Variants in PDGFC observed in about 807,000 individuals in gnomAD.
The protein encoded by PDGFC is platelet derived growth factor C.
In PDGFC, 12 loss-of-function variants were observed where a neutral mutation model predicts 35.5. That is an observed-to-expected ratio of 0.34 (90% confidence interval 0.22 to 0.55). The LOEUF (loss-of-function observed/expected upper bound fraction) is 0.55. Ranked by LOEUF, PDGFC falls within the 20% of genes least tolerant of loss-of-function variation. The probability of loss-of-function intolerance (pLI) is 0.91; values close to 1 mark genes in which losing one functional copy is unlikely to be tolerated. For missense variants in PDGFC, 322 were observed against 412.4 expected (o/e 0.78, Z 1.90); for synonymous variants, 159 against 148.8 (o/e 1.07, Z -0.50).
In PDGFC at chr4:156,971,652, T is replaced by G. The variant is rs1352032467; in HGVS notation, c.-749A>C. On this transcript the variant is annotated 5_prime_UTR_variant, in exon 1 of 6. Coordinates refer to ENST00000502773, the MANE Select transcript of PDGFC (RefSeq NM_016205.3). ...AGTTTTCCGCGACCAAAGTTCACCT[T>G]GTTCGGGCTCGTCCCCCGCTCCTCA... 6.6e-6 allele frequency among the ~76,000 whole-genome samples: 1 copy of G among 151,690 alleles called. No individual in the cohort carries two copies. The highest frequency in any genetic ancestry group is 2.4e-5 in the African/African-American group (1 of 41,338).
At chr4:156,871,260 AC>A (rs1729976248) in intron 1 of PDGFC, among the ~76,000 whole-genome samples, 1 of 152,162 alleles carries the variant, frequency 6.6e-6, no homozygotes, top group African/African-American at 2.4e-5. Flanking sequence ...AGGAACTGGA[AC>A]AAAACTAGAG....
chr4:156,935,287 T>C (rs137891077), intron 1 of PDGFC, among the ~76,000 whole-genome samples: 286 of 152,324 alleles, frequency 1.9e-3, no homozygotes, highest in African/African-American at 6.6e-3. Flanking sequence ...TGAGCCACCA[T>C]GTCTGACTTA....
chr4:156,831,370 G>A (rs1211157441), intron 2 of PDGFC, among the ~76,000 whole-genome samples: 2 of 151,860 alleles, frequency 1.3e-5, no homozygotes, highest in East Asian at 3.9e-4. Flanking sequence ...CTAGTTGGGT[G>A]GCTGAGGCAG....
At chr4:156,891,270 ACTC>A (rs1730498579) in intron 1 of PDGFC, among the ~76,000 whole-genome samples, 1 of 128,154 alleles carries the variant, frequency 7.8e-6, no homozygotes, top group African/African-American at 3.0e-5. Context: ...ACAGAGCGAG[ACTC>A]CGTCTCAAAA....
intron 1 of PDGFC, among the ~76,000 whole-genome samples, chr4:156,859,660 G>GT (rs1236749453): frequency 2.0e-5 from 3 of 151,970 alleles, no homozygotes; most frequent in African/African-American, 7.2e-5. Flanking sequence ...CTCCCAACCT[G>GT]TAACAATTTT....
chr4:156,824,082 G>A (rs1389391922), intron 2 of PDGFC, among the ~76,000 whole-genome samples: 4 of 151,578 alleles, frequency 2.6e-5, no homozygotes, highest in Non-Finnish European at 5.9e-5. Flanking sequence ...AGAGGGAGTT[G>A]GAATGGATGA....
intron 1 of PDGFC, among the ~76,000 whole-genome samples, chr4:156,962,109 T>C (rs931520800): frequency 1.3e-5 from 2 of 152,152 alleles, no homozygotes; most frequent in East Asian, 3.9e-4. Flanking sequence ...TTTCTTTTTG[T>C]TCTGTTTGTT....
chr4:156,770,782 C>T (rs1052664344), intron 4 of PDGFC: 2 of 152,022 alleles, frequency 1.3e-5, no homozygotes, highest in Non-Finnish European at 2.9e-5. Context: ...TAATATTTTT[C>T]TTTGTTAGTT....
chr4:156,784,350 A>G (rs1473567132), intron 3 of PDGFC, among the ~76,000 whole-genome samples: 2 of 152,124 alleles, frequency 1.3e-5, no homozygotes, highest in African/African-American at 4.8e-5. Context: ...TTTTCCTCCC[A>G]AGGAGAAGAG....
At chr4:156,848,968 T>C (rs1729389723) in intron 2 of PDGFC, among the ~76,000 whole-genome samples, 1 of 152,012 alleles carries the variant, frequency 6.6e-6, no homozygotes, top group Non-Finnish European at 1.5e-5. Context: ...TCTCCTGTCT[T>C]CATTAGCATC....
chr4:156,960,252 T>TTATATATATATATATATATATATATA (rs202066963), intron 1 of PDGFC, among the ~76,000 whole-genome samples: 95 of 137,060 alleles, frequency 6.9e-4, no homozygotes, highest in African/African-American at 2.4e-3. Context: ...TATATAACTG[T>TTATATATATATATATATATATATATA]TATATATATA....
chr4:156,913,216 T>C (rs1731079315), intron 1 of PDGFC, among the ~76,000 whole-genome samples: 1 of 152,214 alleles, frequency 6.6e-6, no homozygotes, highest in Non-Finnish European at 1.5e-5. Context: ...TATAGCAAGC[T>C]ATTTCTAACA....
chr4:156,927,868 C>CTA (rs1731451479), intron 1 of PDGFC, among the ~76,000 whole-genome samples: 1 of 152,028 alleles, frequency 6.6e-6, no homozygotes, highest in South Asian at 2.1e-4. Context: ...TACCAATTTA[C>CTA]TATATTAGTC....
In PDGFC at chr4:156,850,241, G is replaced by T; in HGVS notation, c.294C>A (p.Asp98Glu). ...LTFDERFGLE[D>E]PEDDICKYDF... ...CTTACTTGCATATGTCATCTTCTGG[G>T]TCTTCAAGCCCAAATCTTTCATCAA... is the stretch of plus-strand genomic sequence containing the variant. The change falls in exon 2 of 6, where the codon GAC (aspartate) becomes GAA (glutamate). Residue 98 changes from aspartate (D) to glutamate (E), a missense_variant. Physicochemically the swap from Asp to Glu is conservative, Grantham distance 45. Around this residue, in one of 2 missense-constraint regions of PDGFC, gnomAD observed 120 missense variants for 116.6 expected, o/e 1.03. Transcript: ENST00000502773. The T allele has an allele frequency of 1.3e-6, 2 of 1,583,352 alleles. No individual in the cohort carries two copies. The highest frequency in any genetic ancestry group is 1.7e-6 in the Non-Finnish European group (2 of 1,162,650).
chr4:156,811,141 C>G, intron 2 of PDGFC, 124 bp from the exon 3 acceptor site: 1 of 481,590 alleles, frequency 2.1e-6, no homozygotes, highest in Non-Finnish European at 3.7e-6. Context: ...AAAATTTAAC[C>G]GGGAACATAT....
intron 1 of PDGFC, among the ~76,000 whole-genome samples, chr4:156,922,127 G>T (rs1299794211): frequency 6.6e-6 from 1 of 151,496 alleles, no homozygotes; most frequent in African/African-American, 2.4e-5. Flanking sequence ...GGGACCTGTA[G>T]TGTTGTGCCT....
intron 1 of PDGFC, among the ~76,000 whole-genome samples, chr4:156,970,167 T>G (rs563476835): frequency 6.6e-6 from 1 of 152,138 alleles, no homozygotes; most frequent in Non-Finnish European, 1.5e-5. Context: ...AAAATAGCAG[T>G]CATTCACCAA....
At chr4:156,766,502 G>GT (rs1218558808) in intron 5 of PDGFC, among the ~76,000 whole-genome samples, 1 of 152,020 alleles carries the variant, frequency 6.6e-6, no homozygotes, top group African/African-American at 2.4e-5. Flanking sequence ...TGCCATACAT[G>GT]TATCAGGAAA....
At position 156,810,897 on chromosome 4, in the gene PDGFC, T is replaced by C. The variant is rs777452373; in HGVS notation, c.435A>G (p.Val145=). 3 of 1,608,802 alleles carry C rather than the reference T, an allele frequency of 1.9e-6. No homozygotes were observed. The highest frequency in any genetic ancestry group is 2.6e-6 in the Non-Finnish European group (3 of 1,175,674). Reference sequence around the variant, plus strand: ...GTTCAGAAGGAAAATATTCATCAGATACAAATCTTATCCTAATTTGATTTC... The same window carrying C: ...GTTCAGAAGGAAAATATTCATCAGACACAAATCTTATCCTAATTTGATTTC... ...SKGNQIRIRF[V]SDEYFPSEPG... The change falls in exon 3 of 6, where the codon GTA becomes GTG. Residue 145 remains valine, a synonymous_variant. Transcript: ENST00000502773.
Sources: allele counts gnomAD v4.1 joint callset (sites outside exome capture counted in the v4.1 genomes callset), GRCh38; gene constraint gnomAD v4.1.1; regional missense constraint gnomAD v4.1.1; transcripts MANE v1.5; gene names NCBI Gene and HGNC (gene_info 2026-07-23, HGNC 2026-07-21).